Variants in PRLR observed in about 807,000 individuals in gnomAD.
The protein encoded by PRLR is prolactin receptor, also known as hPRL receptor.
A neutral mutation model predicts 40.2 loss-of-function variants in PRLR; 13 were observed. The observed-to-expected ratio is 0.32, with a 90% CI of 0.21 to 0.51. The LOEUF is 0.51. Among genes scored for constraint, PRLR ranks in the 20% least tolerant of loss-of-function variants. The pLI is 0.97. For missense variants in PRLR, 656 were observed against 747.3 expected (o/e 0.88, Z 1.42); for synonymous variants, 269 against 278.7 (o/e 0.97, Z 0.35).
chr5:35,138,861 A>G (rs80075873), intron 1 of PRLR, among the ~76,000 whole-genome samples: 2 of 152,224 alleles, frequency 1.3e-5, no homozygotes, highest in Admixed American at 6.5e-5. Flanking sequence ...AAGAAAAAAA[A>G]TCTTCCAGTT....
intron 2 of PRLR, among the ~76,000 whole-genome samples, chr5:35,111,329 C>G (rs187835331): frequency 1.3e-5 from 2 of 152,192 alleles, no homozygotes; most frequent in South Asian, 2.1e-4. Context: ...TTCCCAACCC[C>G]GTGAGATTTC....
intron 1 of PRLR, among the ~76,000 whole-genome samples, chr5:35,148,784 A>G (rs1338016675): frequency 6.6e-6 from 1 of 152,172 alleles, no homozygotes; most frequent in East Asian, 1.9e-4. Context: ...TCAATATTTT[A>G]CAAAAATTTG....
intron 1 of PRLR, among the ~76,000 whole-genome samples, chr5:35,228,598 T>C (rs76829099): frequency 0.036 from 5,419 of 152,276 alleles, 356 homozygotes; most frequent in African/African-American, 0.12. Context: ...CGATCCTCTT[T>C]AGATGGCTCT....
chr5:35,169,170 G>C (rs1774929732), intron 1 of PRLR, among the ~76,000 whole-genome samples: 1 of 152,110 alleles, frequency 6.6e-6, no homozygotes, highest in Admixed American at 6.5e-5. Flanking sequence ...ATGACTCAAG[G>C]CAAGGAACTG....
intron 1 of PRLR, among the ~76,000 whole-genome samples, chr5:35,163,267 A>G (rs960580869): frequency 5.9e-5 from 9 of 152,128 alleles, no homozygotes; most frequent in African/African-American, 1.9e-4. Flanking sequence ...CTAATTTTTC[A>G]TGGCCGTGCG....
At chr5:35,075,425 G>A (rs956639945) in intron 5 of PRLR, among the ~76,000 whole-genome samples, 2 of 152,216 alleles carry the variant, frequency 1.3e-5, no homozygotes, top group African/African-American at 2.4e-5. Flanking sequence ...CAAGCCCATG[G>A]AGCCTTGCTC....
chr5:35,148,064 C>T (rs1774235921), intron 1 of PRLR, among the ~76,000 whole-genome samples: 1 of 152,068 alleles, frequency 6.6e-6, no homozygotes, highest in Non-Finnish European at 1.5e-5. Context: ...ATTTGTAAGG[C>T]AATGAACTTC....
At chr5:35,133,495 T>A (rs1173543579) in intron 1 of PRLR, among the ~76,000 whole-genome samples, 1 of 152,180 alleles carries the variant, frequency 6.6e-6, no homozygotes, top group Non-Finnish European at 1.5e-5. Flanking sequence ...TGCCATAGAC[T>A]TTCTTAGCAG....
Position 35,157,414 on chromosome 5 carries a change from C to A in PRLR, c.-105-39292G>T, listed in dbSNP as rs532782703. 1.2e-3 allele frequency among the ~76,000 whole-genome samples: 190 copies of A among 152,280 alleles called. 1 individual carries two copies. The highest frequency in any genetic ancestry group is 4.4e-3 in the African/African-American group (181 of 41,562). On this transcript the variant is annotated intron_variant, in intron 1 of 9. Transcript: ENST00000618457. ...ATAGATGCTACTGTATCCATCCTGACCACCATTTCCTGGTTGATGAGACAA... is the reference window on the plus strand; with the variant it reads ...ATAGATGCTACTGTATCCATCCTGAACACCATTTCCTGGTTGATGAGACAA...
intron 1 of PRLR, among the ~76,000 whole-genome samples, chr5:35,135,101 T>TTTTTTG (rs71600972): frequency 0.02 from 2,926 of 149,828 alleles, 95 homozygotes; most frequent in African/African-American, 0.068. Flanking sequence ...TTTTTTTTTT[T>TTTTTTG]TCTTAGAGAG....
At chr5:35,175,734 T>C (rs1775128440) in intron 1 of PRLR, among the ~76,000 whole-genome samples, 1 of 152,232 alleles carries the variant, frequency 6.6e-6, no homozygotes, top group Admixed American at 6.5e-5. Context: ...AATAGGATGC[T>C]ATTCGTAAGG....
chr5:35,229,801 G>A (rs1346749285), intron 1 of PRLR, among the ~76,000 whole-genome samples: 1 of 151,904 alleles, frequency 6.6e-6, no homozygotes, highest in African/African-American at 2.4e-5. Context: ...GGAGAGTCTC[G>A]AGTCCGGCTT....
intron 3 of PRLR, among the ~76,000 whole-genome samples, chr5:35,086,651 A>C (rs566138815): frequency 6.6e-6 from 1 of 152,212 alleles, no homozygotes; most frequent in East Asian, 1.9e-4. Context: ...TCAACAAAGA[A>C]TGAGCCTTGA....
chr5:35,069,006 C>A, intron 7 of PRLR, 128 bp from the exon 8 acceptor site: 2 of 615,288 alleles, frequency 3.3e-6, no homozygotes, highest in Non-Finnish European at 5.8e-6. Context: ...ATTTGAACAG[C>A]AATCCAAAGT....
rs114665077 is a variant in PRLR, at chr5:35,133,862, C to T, written c.-105-15740G>A. The stretch of plus-strand genomic sequence containing the variant: ...GAATGTGCTGGCAAAACAGACCACA[C>T]TCAGAAACAGGCCCTACTGACCTAC... On this transcript the variant is annotated intron_variant, in intron 1 of 9. Transcript: ENST00000618457. Among the ~76,000 whole-genome samples the T allele has an allele frequency of 4.0e-3, 616 of 152,308 alleles. 4 individuals carry two copies. The highest frequency in any genetic ancestry group is 0.014 in the African/African-American group (596 of 41,570).
At chr5:35,107,137 A>G (rs139284864) in intron 2 of PRLR, among the ~76,000 whole-genome samples, 432 of 152,372 alleles carry the variant, frequency 2.8e-3, no homozygotes, top group African/African-American at 9.9e-3. Flanking sequence ...CTGGGTAAAT[A>G]AGTAAATGAA....
Position 35,057,462 on chromosome 5 carries a change from G to T in PRLR, c.*7627C>A, listed in dbSNP as rs1031339974. ...CACTGAGCTGGGTATTTTCAATAAT[G>T]ATGTGAATAGAAATATAACTAACAT... is the stretch of plus-strand genomic sequence containing the variant. On this transcript the variant is annotated 3_prime_UTR_variant, in exon 10 of 10. Coordinates refer to ENST00000618457, the MANE Select transcript of PRLR (RefSeq NM_000949.7). The T allele has an allele frequency of 4.6e-5, 7 of 152,152 alleles. No homozygotes were observed. The highest frequency in any genetic ancestry group is 8.8e-5 in the Non-Finnish European group (6 of 68,018). The allele number at this position is 152,152 out of a possible 1,614,324, so 9.4% of individuals were successfully genotyped here.
intron 5 of PRLR, among the ~76,000 whole-genome samples, chr5:35,076,705 G>T (rs1194659086): frequency 6.6e-6 from 1 of 152,164 alleles, no homozygotes; most frequent in Non-Finnish European, 1.5e-5. Context: ...TGCCACAAAG[G>T]TACTCCTCGA....
At chr5:35,136,217 G>A (rs1024268929) in intron 1 of PRLR, among the ~76,000 whole-genome samples, 10 of 152,162 alleles carry the variant, frequency 6.6e-5, no homozygotes, top group African/African-American at 2.4e-4. Context: ...ACTCTCTGAG[G>A]CCCATGTATG....
Sources: gnomAD v4.1 joint callset for allele counts (sites outside exome capture counted in the v4.1 genomes callset) on GRCh38, gnomAD v4.1.1 for gene constraint, MANE v1.5 for transcripts, NCBI Gene and HGNC (gene_info 2026-07-23, HGNC 2026-07-21) for gene names.